The following LRGUK variants were observed in gnomAD, a reference collection of about 807,000 sequenced individuals.
The protein encoded by LRGUK is leucine-rich repeat and guanylate kinase domain-containing protein.
In LRGUK, 65 loss-of-function variants were observed where a neutral mutation model predicts 76.0. The observed-to-expected ratio is 0.85, with a 90% CI of 0.70 to 1.05. LRGUK has a LOEUF of 1.05. Among genes scored for constraint, LRGUK ranks in the 50% least tolerant of loss-of-function variants. The pLI is 0.00. For missense variants in LRGUK, 758 were observed against 732.8 expected, an observed-to-expected ratio of 1.03 and a Z score of -0.40; for synonymous variants, 268 against 265.6, an observed-to-expected ratio of 1.01 and a Z score of -0.09.
At chr7:134,231,504 GTTCCTTCC>G (rs200407527) in intron 16 of LRGUK, among the ~76,000 whole-genome samples, 1,347 of 98,286 alleles carry the variant, frequency 0.014, 18 homozygotes, top group Admixed American at 0.019. Flanking sequence ...TCCTTCCTTC[GTTCCTTCC>G]TTCCTCCCTT....
In LRGUK at chr7:134,183,766, T is replaced by C. The variant is rs368555761; in HGVS notation, c.1247T>C (p.Met416Thr). The C allele has an allele frequency of 4.9e-5, 79 of 1,614,022 alleles. No individual in the cohort carries two copies. The African/African-American group carries it at 1.0e-3, about 20-fold the overall frequency. ...CCCAGCCTGGATGCCCCTTATCCCA[T>C]GCTGATACTAGCTGGTCCTGAAGCT... Residue 416 changes from methionine to threonine, a missense_variant, in exon 11 of 16, where the codon ATG (methionine) becomes ACG (threonine). Physicochemically the swap from Met to Thr is moderately conservative, Grantham distance 81. Transcript: ENST00000645682.
At chr7:134,152,150 A>C (rs1409107467) in intron 5 of LRGUK, among the ~76,000 whole-genome samples, 1 of 152,092 alleles carries the variant, frequency 6.6e-6, no homozygotes. Flanking sequence ...AAAATTTGCT[A>C]TAAAGTACTA....
chr7:134,140,388 C>G (rs1009508912), intron 3 of LRGUK, among the ~76,000 whole-genome samples: 1 of 152,158 alleles, frequency 6.6e-6, no homozygotes, highest in Non-Finnish European at 1.5e-5. Context: ...TCTTTCAACT[C>G]TAACTCCACA....
intron 19 of LRGUK, among the ~76,000 whole-genome samples, chr7:134,260,892 C>A (rs1195821476): frequency 6.6e-6 from 1 of 152,162 alleles, no homozygotes; most frequent in African/African-American, 2.4e-5. Context: ...ATCTGCCCTA[C>A]TCTCTCTGGT....
intron 15 of LRGUK, among the ~76,000 whole-genome samples, chr7:134,201,968 T>C (rs940991662): frequency 2.6e-5 from 4 of 152,186 alleles, no homozygotes; most frequent in Admixed American, 2.6e-4. Flanking sequence ...TTCTTTGCGT[T>C]ACCCGAGTCC....
rs186727863 is a variant in LRGUK at position 134,147,731 on chromosome 7, T to C, written c.589-507T>C. 1.5e-4 allele frequency among the ~76,000 whole-genome samples: 23 copies of C among 152,230 alleles called. No homozygotes were observed. In the East Asian group the frequency reaches 4.1e-3, roughly 27 times the overall value. Reference sequence around the variant, plus strand: ...CACCATGGGGAAGAGGCCTTCTTACTATCCCTCAAAGTGGACAGAAAAGGA... The same window carrying C: ...CACCATGGGGAAGAGGCCTTCTTACCATCCCTCAAAGTGGACAGAAAAGGA... On this transcript the variant is annotated intron_variant, in intron 4 of 15. Coordinates refer to ENST00000645682, the Ensembl canonical transcript of LRGUK.
chr7:134,210,625 T>C (rs1015694214), downstream of LRGUK, among the ~76,000 whole-genome samples: 1 of 152,184 alleles, frequency 6.6e-6, no homozygotes, highest in Non-Finnish European at 1.5e-5. Context: ...GCTCGGCTCC[T>C]GTGGAGCATC....
chr7:134,166,622 A>C (rs568055454), intron 7 of LRGUK, among the ~76,000 whole-genome samples: 1 of 152,324 alleles, frequency 6.6e-6, no homozygotes, highest in South Asian at 2.1e-4. Flanking sequence ...ATCCTGAGTA[A>C]TAACAGTGCT....
rs138666597 is a variant in LRGUK at position 134,139,454 on chromosome 7, G to A, written c.424G>A (p.Val142Ile). Residue 142 changes from valine (V) to isoleucine (I), a missense_variant, in exon 3 of 16, where the codon GTT becomes ATT. Val to Ile is a conservative substitution (Grantham distance 29, BLOSUM62 3). Transcript: ENST00000645682. ...TTCTCAGGGTTGTAATTTAATTGAT[G>A]TTAGCATTCTCTGTGGATATGTTCA... The A allele has an allele frequency of 2.0e-4, 321 of 1,609,072 alleles. 1 individual carries two copies. The African/African-American group carries it at 3.9e-3, about 20-fold the overall frequency.
At chr7:134,246,924 T>C (rs1455022578) in intron 16 of LRGUK, among the ~76,000 whole-genome samples, 1 of 152,226 alleles carries the variant, frequency 6.6e-6, no homozygotes, top group Non-Finnish European at 1.5e-5. Flanking sequence ...AGGTGATCTG[T>C]GTATCAATGC....
chr7:134,274,931 T>G, the LRGUK span, among the ~76,000 whole-genome samples: 1 of 152,282 alleles, frequency 6.6e-6, no homozygotes, highest in Admixed American at 6.5e-5. Context: ...AAAACTATTT[T>G]TATTTATTTT....
At chr7:134,221,783 T>TAAG (rs1457757504) in exon 16 of LRGUK, 1 of 1,520,178 alleles carries the variant, frequency 6.6e-7, no homozygotes, top group African/African-American at 1.4e-5. Flanking sequence ...TACCAGATGT[T>TAAG]AAGACATCCC....
downstream of LRGUK, among the ~76,000 whole-genome samples, chr7:134,214,219 C>CTT (rs59354010): frequency 2.7e-5 from 4 of 147,792 alleles, no homozygotes; most frequent in African/African-American, 9.9e-5. Context: ...ACAGGATAGA[C>CTT]TTTTTTTTTT....
At chr7:134,198,831 A>G (rs1487832939) in intron 13 of LRGUK, among the ~76,000 whole-genome samples, 1 of 152,212 alleles carries the variant, frequency 6.6e-6, no homozygotes, top group Non-Finnish European at 1.5e-5. Flanking sequence ...CTCCCTGGTA[A>G]GATCTCTATC....
intron 15 of LRGUK, among the ~76,000 whole-genome samples, chr7:134,220,251 G>A (rs1161485808): frequency 6.6e-6 from 1 of 152,042 alleles, no homozygotes; most frequent in Non-Finnish European, 1.5e-5. Context: ...TTTTGATATA[G>A]TCCTCGCCCA....
chr7:134,216,458 A>G (rs1801438868), intron 15 of LRGUK, among the ~76,000 whole-genome samples: 1 of 152,192 alleles, frequency 6.6e-6, no homozygotes, highest in Non-Finnish European at 1.5e-5. Flanking sequence ...ATGGGCATTC[A>G]TAGGAGGCAT....
exon 1 of LRGUK, chr7:134,127,608 G>C (rs1422009630): frequency 1.2e-6 from 2 of 1,614,170 alleles, no homozygotes; most frequent in Admixed American, 3.3e-5. Context: ...TGAGGACCAG[G>C]GCGAGGGCGA....
intron 1 of LRGUK, among the ~76,000 whole-genome samples, chr7:134,135,625 G>A (rs1797491121): frequency 6.6e-6 from 1 of 152,108 alleles, no homozygotes; most frequent in Non-Finnish European, 1.5e-5. Flanking sequence ...GGCAGGGCTG[G>A]GGTTCAAGCC....
intron 16 of LRGUK, among the ~76,000 whole-genome samples, chr7:134,237,452 G>A (rs1802043998): frequency 6.6e-6 from 1 of 152,080 alleles, no homozygotes; most frequent in Non-Finnish European, 1.5e-5. Flanking sequence ...CTTCATTTAA[G>A]CATATTTGAA....
Sources: allele counts gnomAD v4.1 joint callset (sites outside exome capture counted in the v4.1 genomes callset), GRCh38; gene constraint gnomAD v4.1.1; transcripts MANE v1.5; gene names NCBI Gene and HGNC (gene_info 2026-07-23, HGNC 2026-07-21).